TMEM74: variants seen among roughly 807,000 people sequenced by gnomAD.
TMEM74 encodes transmembrane protein 74.
Under a neutral mutation model 18.1 loss-of-function variants are expected in TMEM74, and 13 were observed. The observed-to-expected ratio is 0.72, with a 90% CI of 0.47 to 1.14. The LOEUF is 1.14. Ranked by LOEUF, TMEM74 falls within the 50% of genes most tolerant of loss-of-function variation. The probability of loss-of-function intolerance (pLI) is 0.00; values close to 1 mark genes in which losing one functional copy is unlikely to be tolerated. For synonymous variants in TMEM74, 159 were observed against 146.6 expected (o/e 1.08, Z -0.61); for missense variants, 372 against 375.9 (o/e 0.99, Z 0.09).
At chr8:108,635,912 GA>G (rs1320470580) in intron 2 of TMEM74, among the ~76,000 whole-genome samples, 1 of 152,060 alleles carries the variant, frequency 6.6e-6, no homozygotes, top group Non-Finnish European at 1.5e-5. Context: ...CAAATGGACA[GA>G]GTGGCTAATT....
chr8:108,666,306 T>C (rs1812948623), intron 1 of TMEM74, among the ~76,000 whole-genome samples: 2 of 152,182 alleles, frequency 1.3e-5, no homozygotes, highest in Non-Finnish European at 2.9e-5. Flanking sequence ...TAAAAGCTAA[T>C]CATTGCTTAG....
chr8:108,744,630 G>A (rs1813832039), intron 1 of TMEM74, among the ~76,000 whole-genome samples: 1 of 152,190 alleles, frequency 6.6e-6, no homozygotes, highest in Non-Finnish European at 1.5e-5. Context: ...TTATGCAGAT[G>A]TCTCTGGGCA....
chr8:108,714,501 G>A (rs1395640874), intron 1 of TMEM74, among the ~76,000 whole-genome samples: 2 of 152,172 alleles, frequency 1.3e-5, no homozygotes, highest in Non-Finnish European at 2.9e-5. Flanking sequence ...GGAGGAACAG[G>A]TGACTGACAA....
At position 108,651,961 on chromosome 8, in the gene TMEM74, G is replaced by C. The variant is rs370130135; in HGVS notation, n.264+3332C>G. ...GTCGCTAAAAAAAAAAAAAATCCTA[G>C]TGCAAAAGTCAATATATTTGCTGAC... On this transcript the variant is annotated intron_variant and non_coding_transcript_variant, in intron 2 of 3. Coordinates refer to the TMEM74 transcript ENST00000518838. Among the ~76,000 whole-genome samples, 93 of 151,058 alleles carry C rather than the reference G, an allele frequency of 6.2e-4. 1 individual carries two copies. Among genetic ancestry groups the C allele is most frequent in the African/African-American group, 2.2e-3 (89 of 41,176 alleles).
chr8:108,657,221 C>T (rs188432257), intron 1 of TMEM74, among the ~76,000 whole-genome samples: 1 of 152,044 alleles, frequency 6.6e-6, no homozygotes, highest in Admixed American at 6.6e-5. Context: ...ATATGGGGTC[C>T]AACCAGCTTA....
At chr8:108,698,423 A>G (rs868350375) in intron 1 of TMEM74, among the ~76,000 whole-genome samples, 1 of 152,198 alleles carries the variant, frequency 6.6e-6, no homozygotes, top group African/African-American at 2.4e-5. Context: ...ACTCTCTAGG[A>G]AACAGTTTCC....
chr8:108,729,483 T>A (rs1289085932), intron 1 of TMEM74, among the ~76,000 whole-genome samples: 1 of 152,254 alleles, frequency 6.6e-6, no homozygotes, highest in African/African-American at 2.4e-5. Flanking sequence ...TCCTTTGCCA[T>A]GTAATTTATT....
At chr8:108,652,617 A>G in intron 2 of TMEM74, 1 of 629,066 alleles carries the variant, frequency 1.6e-6, no homozygotes. Context: ...AGATAGTTGC[A>G]GTAAAGAAGG....
At chr8:108,701,232 G>A (rs79361925) in intron 1 of TMEM74, among the ~76,000 whole-genome samples, 1,591 of 150,800 alleles carry the variant, frequency 0.011, 28 homozygotes, top group African/African-American at 0.035. Context: ...TACAAGCTAG[G>A]AATAGAGAAT....
downstream of TMEM74, among the ~76,000 whole-genome samples, chr8:108,774,542 G>C (rs1814207285): frequency 6.6e-6 from 1 of 152,138 alleles, no homozygotes; most frequent in Non-Finnish European, 1.5e-5. Flanking sequence ...GTGCATAAAG[G>C]CATGTTGGTT....
At chr8:108,654,413 G>A (rs1812802441) in intron 2 of TMEM74, among the ~76,000 whole-genome samples, 1 of 152,108 alleles carries the variant, frequency 6.6e-6, no homozygotes, top group Non-Finnish European at 1.5e-5. Context: ...TATGGAAAAA[G>A]TGCTTTATTT....
At chr8:108,606,985 C>T (rs753265967) in exon 4 of TMEM74, 1 of 152,272 alleles carries the variant, frequency 6.6e-6, no homozygotes, top group East Asian at 1.9e-4. Flanking sequence ...TCCAAGATGA[C>T]TTTCATTCAC....
intron 1 of TMEM74, among the ~76,000 whole-genome samples, chr8:108,737,433 A>G (rs1586278925): frequency 6.6e-6 from 1 of 152,224 alleles, no homozygotes; most frequent in East Asian, 1.9e-4. Context: ...ATCACTTAGA[A>G]CATTTGTCCT....
intron 1 of TMEM74, among the ~76,000 whole-genome samples, chr8:108,718,438 G>A (rs1251380307): frequency 6.6e-6 from 1 of 152,162 alleles, no homozygotes; most frequent in African/African-American, 2.4e-5. Context: ...AGTGGTACAT[G>A]AATGAAAATG....
intron 1 of TMEM74, among the ~76,000 whole-genome samples, chr8:108,661,345 T>C (rs979347462): frequency 2.1e-4 from 32 of 150,452 alleles, no homozygotes; most frequent in Non-Finnish European, 3.1e-4. Flanking sequence ...CCACTGAACC[T>C]GGTCTTTTAT....
chr8:108,634,178 G>C (rs1586241599), intron 2 of TMEM74, among the ~76,000 whole-genome samples: 1 of 151,752 alleles, frequency 6.6e-6, no homozygotes, highest in Non-Finnish European at 1.5e-5. Context: ...TTAACATTCT[G>C]GTGGGAGAAT....
chr8:108,694,825 T>C (rs936191013), intron 1 of TMEM74, among the ~76,000 whole-genome samples: 2 of 152,194 alleles, frequency 1.3e-5, no homozygotes, highest in Non-Finnish European at 2.9e-5. Context: ...TGCTGGGACA[T>C]GATGCCCACA....
Position 108,679,017 on chromosome 8 carries a change from G to A in TMEM74, n.120-23580C>T, listed in dbSNP as rs577440305. Among the ~76,000 whole-genome samples the A allele has an allele frequency of 1.7e-4, 26 of 151,074 alleles. No individual in the cohort carries two copies. In the South Asian group the frequency reaches 1.9e-3, roughly 11 times the overall value. On this transcript the variant is annotated intron_variant and non_coding_transcript_variant, in intron 1 of 3. Transcript: ENST00000518838. ...GTGGTGTTTGGCTTTTTGTCCTTGC[G>A]ATAGTTTGCTGAGAATGATGGTTTC...
intron 1 of TMEM74, among the ~76,000 whole-genome samples, chr8:108,749,403 T>C (rs9632804): frequency 0.011 from 1,600 of 152,304 alleles, 25 homozygotes; most frequent in African/African-American, 0.036. Flanking sequence ...TTTTATTCTT[T>C]TTGTGGAAAT....
Sources: gnomAD v4.1 joint callset for allele counts (sites outside exome capture counted in the v4.1 genomes callset) on GRCh38, gnomAD v4.1.1 for gene constraint, MANE v1.5 for transcripts, NCBI Gene and HGNC (gene_info 2026-07-23, HGNC 2026-07-21) for gene names.